Variants in HIBCH observed in about 807,000 individuals in gnomAD.
The protein encoded by HIBCH is 3-hydroxyisobutyryl-CoA hydrolase.
In HIBCH, 50 loss-of-function variants were observed where a neutral mutation model predicts 58.2. That is an observed-to-expected ratio of 0.86 (90% CI 0.68 to 1.09). The LOEUF (loss-of-function observed/expected upper bound fraction) is 1.09. Among genes scored for constraint, HIBCH ranks in the 50% least tolerant of loss-of-function variants. The probability of loss-of-function intolerance (pLI) is 0.00; values close to 1 mark genes in which losing one functional copy is unlikely to be tolerated. For synonymous variants in HIBCH, 151 were observed against 146.9 expected (o/e 1.03, Z -0.20); for missense variants, 450 against 449.7 (o/e 1.00, Z -0.01).
rs1688396723 is a variant in HIBCH, at chr2:190,306,076, C to T, written c.78+4678G>A. On this transcript the variant is annotated intron_variant, in intron 2 of 13. Transcript: ENST00000359678. This position sits in a 1 kb window ranked among gnomAD's most constrained non-coding sequence, Gnocchi z 4.6. The stretch of plus-strand genomic sequence containing the variant: ...TGGTCATCTTCCCATGTCACTACTA[C>T]AGATAAAGCTGTCTTATTTTTTTTC... 6.6e-6 allele frequency among the ~76,000 whole-genome samples: 1 copy of T among 152,144 alleles called. No individual in the cohort carries two copies. The highest frequency in any genetic ancestry group is 1.5e-5 in the Non-Finnish European group (1 of 68,018).
At chr2:190,291,919 TGG>T (rs1267320510) in intron 4 of HIBCH, among the ~76,000 whole-genome samples, 161 of 152,340 alleles carry the variant, frequency 1.1e-3, no homozygotes, top group African/African-American at 3.8e-3. Flanking sequence ...TCCTCTTTTA[TGG>T]GAAAGTATTA....
chr2:190,300,242 C>T (rs141571185), intron 2 of HIBCH, among the ~76,000 whole-genome samples: 8 of 152,262 alleles, frequency 5.3e-5, no homozygotes, highest in Non-Finnish European at 7.4e-5. Flanking sequence ...ATCGCGACAC[C>T]GCTTTCCACA....
At chr2:190,318,666 TAACA>T (rs1488334071) in intron 1 of HIBCH, among the ~76,000 whole-genome samples, 1 of 152,202 alleles carries the variant, frequency 6.6e-6, no homozygotes, top group Non-Finnish European at 1.5e-5. Flanking sequence ...CAGCTAACTT[TAACA>T]AACATGTCTT....
intron 7 of HIBCH, among the ~76,000 whole-genome samples, chr2:190,258,020 G>A (rs549421326): frequency 2.0e-5 from 3 of 152,266 alleles, no homozygotes; most frequent in Admixed American, 2.0e-4. Flanking sequence ...TTGGCTCTGT[G>A]TCCCCATTCA....
intron 7 of HIBCH, among the ~76,000 whole-genome samples, chr2:190,258,763 A>G (rs1482474274): frequency 1.3e-5 from 2 of 152,200 alleles, no homozygotes; most frequent in African/African-American, 4.8e-5. Flanking sequence ...TTGTATGACT[A>G]CATCTTTAAT....
At position 190,253,954 on chromosome 2, in the gene HIBCH, C is replaced by G. The variant is rs1351182407; in HGVS notation, c.518-1647G>C. On this transcript the variant is annotated intron_variant, in intron 7 of 13. Coordinates refer to ENST00000359678, the MANE Select transcript of HIBCH (RefSeq NM_014362.4). ...GTACCACATTCTCTCTTTTCTCCCC[C>G]TTCCCCCAATTCTGCTTCTTTCCAG... Among the ~76,000 whole-genome samples the G allele has an allele frequency of 2.0e-5, 3 of 152,206 alleles. No individual in the cohort carries two copies. In the East Asian group the frequency reaches 5.8e-4, roughly 29 times the overall value.
intron 1 of HIBCH, among the ~76,000 whole-genome samples, chr2:190,317,070 T>C (rs992712907): frequency 2.0e-5 from 3 of 152,180 alleles, no homozygotes; most frequent in Non-Finnish European, 4.4e-5. Context: ...TATGCCACCA[T>C]ACCCAGCTAG....
Position 190,257,654 on chromosome 2 carries a change from A to T in HIBCH, c.517+3502T>A, listed in dbSNP as rs955968067. Among the ~76,000 whole-genome samples, 10 of 152,256 alleles carry T rather than the reference A, an allele frequency of 6.6e-5. No individual in the cohort carries two copies. In the East Asian group the frequency reaches 1.9e-3, roughly 29 times the overall value. On this transcript the variant is annotated intron_variant, in intron 7 of 13. Coordinates refer to ENST00000359678, the MANE Select transcript of HIBCH (RefSeq NM_014362.4). ...ATGACAGAATACCACAGACCGGGGTAATTTAGAAAAAAAATTATTTCTCAC... is the reference window on the plus strand; with the variant it reads ...ATGACAGAATACCACAGACCGGGGTTATTTAGAAAAAAAATTATTTCTCAC...
intron 11 of HIBCH, among the ~76,000 whole-genome samples, chr2:190,219,480 A>G (rs1384092397): frequency 6.6e-6 from 1 of 152,156 alleles, no homozygotes; most frequent in Non-Finnish European, 1.5e-5. Flanking sequence ...GAACCAAAGA[A>G]TTTGAGTCTA....
Position 190,216,943 on chromosome 2 carries a change from C to T in HIBCH, c.892-3868G>A, listed in dbSNP as rs1254554032. ...TCACCAGCAGGGGTGGTGTGGAATA[C>T]AAACAGTACAGCTCTCCGCCTGCCA... On this transcript the variant is annotated intron_variant, in intron 11 of 13. Coordinates refer to ENST00000359678, the MANE Select transcript of HIBCH (RefSeq NM_014362.4). This position sits in a 1 kb window ranked among gnomAD's most constrained non-coding sequence, Gnocchi z 4.2. Among the ~76,000 whole-genome samples the T allele has an allele frequency of 3.3e-5, 5 of 152,174 alleles. No homozygotes were observed. The highest frequency in any genetic ancestry group is 2.6e-4 in the Admixed American group (4 of 15,286).
At chr2:190,239,709 G>T (rs1686395797) in intron 11 of HIBCH, among the ~76,000 whole-genome samples, 1 of 149,628 alleles carries the variant, frequency 6.7e-6, no homozygotes, top group Non-Finnish European at 1.5e-5. Flanking sequence ...GAGTGCAATG[G>T]TATGGTCTCA....
At chr2:190,244,164 T>C (rs1442980391) in intron 11 of HIBCH, among the ~76,000 whole-genome samples, 6 of 151,138 alleles carry the variant, frequency 4.0e-5, no homozygotes, top group Non-Finnish European at 7.4e-5. Context: ...CACACACATA[T>C]ATATACGAAA....
chr2:190,201,554 G>A (rs911766511), downstream of HIBCH: 2 of 166,986 alleles, frequency 1.2e-5, no homozygotes, highest in Admixed American at 1.3e-4. Flanking sequence ...TATTTGTCTT[G>A]TAAGCAGGCA....
At chr2:190,212,073 T>C (rs775176568) in intron 12 of HIBCH, among the ~76,000 whole-genome samples, 9 of 152,192 alleles carry the variant, frequency 5.9e-5, no homozygotes, top group Non-Finnish European at 1.2e-4. Flanking sequence ...TCTTCATCTG[T>C]AAAATGGAGT....
chr2:190,282,987 A>T (rs1319097706), intron 6 of HIBCH, among the ~76,000 whole-genome samples: 1 of 152,200 alleles, frequency 6.6e-6, no homozygotes, highest in African/African-American at 2.4e-5. Context: ...TGAAAGAAGA[A>T]ATCACATCTA....
At chr2:190,238,826 T>G (rs1177950741) in intron 11 of HIBCH, among the ~76,000 whole-genome samples, 1 of 152,194 alleles carries the variant, frequency 6.6e-6, no homozygotes, top group East Asian at 1.9e-4. Context: ...TGGGGTTGTT[T>G]TTTTCTCGTA....
At chr2:190,310,507 AC>A (rs1339995666) in intron 2 of HIBCH, among the ~76,000 whole-genome samples, 2 of 152,190 alleles carry the variant, frequency 1.3e-5, no homozygotes, top group Non-Finnish European at 2.9e-5. Flanking sequence ...CAAGTAATCC[AC>A]CCAAGATTAA....
chr2:190,218,407 C>G (rs1685620249), intron 11 of HIBCH, among the ~76,000 whole-genome samples: 2 of 152,100 alleles, frequency 1.3e-5, no homozygotes, highest in Admixed American at 1.3e-4. Flanking sequence ...ACCAGGAACC[C>G]TGGAGGTATA....
chr2:190,222,866 C>A (rs1416724578), intron 11 of HIBCH, among the ~76,000 whole-genome samples: 1 of 152,212 alleles, frequency 6.6e-6, no homozygotes, highest in South Asian at 2.1e-4. Flanking sequence ...GACTTGGAAC[C>A]AATCCAAATG....
Sources: allele counts gnomAD v4.1 joint callset (sites outside exome capture counted in the v4.1 genomes callset), GRCh38; gene constraint gnomAD v4.1.1; non-coding constraint Gnocchi (gnomAD v3.1); transcripts MANE v1.5; gene names NCBI Gene and HGNC (gene_info 2026-07-23, HGNC 2026-07-21).